Variants in PCOLCE observed in about 807,000 individuals in gnomAD.
PCOLCE encodes the protein procollagen C-endopeptidase enhancer 1.
A neutral mutation model predicts 47.2 loss-of-function variants in PCOLCE; 33 were observed. That is an observed-to-expected ratio of 0.70 (90% CI 0.53 to 0.93). PCOLCE has a LOEUF of 0.93. Ranked by LOEUF, PCOLCE falls within the 40% of genes least tolerant of loss-of-function variation. The probability of loss-of-function intolerance (pLI) is 0.00; values close to 1 mark genes in which losing one functional copy is unlikely to be tolerated. For synonymous variants in PCOLCE, 254 were observed against 252.5 expected (o/e 1.01, Z -0.06); for missense variants, 584 against 585.3 (o/e 1.00, Z 0.02).
In PCOLCE at chr7:100,605,322, T is replaced by C; in HGVS notation, c.588+107T>C. 2 of 1,221,750 alleles carry C rather than the reference T, an allele frequency of 1.6e-6. No individual in the cohort carries two copies. The highest frequency in any genetic ancestry group is 3.0e-5 in the South Asian group (2 of 65,666). 75.7% of individuals were successfully genotyped at this position (1,221,750 alleles called of 1,614,324 possible). A position where few individuals can be genotyped will look rare whatever the true frequency, so the allele number is the denominator to read the frequency against. ...TCTGCTGTGTCCCGAGCACTGCGCT[T>C]GCGCTGGTGGGCACCCAAAACAGCC... On this transcript the variant is annotated intron_variant, in intron 4 of 8. Transcript: ENST00000223061. This position sits in a 1 kb window ranked among gnomAD's most constrained non-coding sequence, Gnocchi z 6.1.
At position 100,605,699 on chromosome 7, in the gene PCOLCE, G is replaced by C. The variant is rs747185954; in HGVS notation, c.612G>C (p.Lys204Asn). The change falls in exon 5 of 9, where the codon AAG (lysine) becomes AAC (asparagine). Residue 204 changes from lysine (K) to asparagine (N), a missense_variant. Transcript: ENST00000223061. The surrounding 1 kb of genome is among the most constrained non-coding windows in gnomAD (Gnocchi z 6.1). Reference sequence around the variant, plus strand: ...AGGTCATCGCGCTGACCTTCGAGAAGTTTGACCTGGAGCCGGACACCTACT... The same window carrying C: ...AGGTCATCGCGCTGACCTTCGAGAACTTTGACCTGGAGCCGGACACCTACT... ...PDQVIALTFE[K>N]FDLEPDTYCR... 6.3e-7 allele frequency: 1 copy of C among 1,582,844 alleles called. No individual in the cohort carries two copies. Among genetic ancestry groups the C allele is most frequent in the Non-Finnish European group, 8.6e-7 (1 of 1,164,812 alleles).
At position 100,604,465 on chromosome 7, in the gene PCOLCE, C is replaced by A; in HGVS notation, c.463+248C>A. The A allele has an allele frequency of 1.6e-6, 1 of 609,842 alleles. No homozygotes were observed. The highest frequency in any genetic ancestry group is 2.9e-6 in the Non-Finnish European group (1 of 340,698). 37.8% of individuals were successfully genotyped at this position (609,842 alleles called of 1,614,324 possible). ...GCGCGAGGCGGAAATGGGTCACCGA[C>A]CCGCGGGTGGAATGGGCGGCCTGGG... On this transcript the variant is annotated intron_variant, in intron 3 of 8. Coordinates refer to ENST00000223061, the MANE Select transcript of PCOLCE (RefSeq NM_002593.4). This position sits in a 1 kb window ranked among gnomAD's most constrained non-coding sequence, Gnocchi z 6.4.
rs534707945 is a variant in PCOLCE, at chr7:100,603,231, C to T, written c.96-199C>T. The T allele has an allele frequency of 1.1e-4, 48 of 456,334 alleles. No individual in the cohort carries two copies. The East Asian group carries it at 1.7e-3, about 16-fold the overall frequency. The allele number at this position is 456,334 out of a possible 1,614,324, so 28.3% of individuals were successfully genotyped here. On this transcript the variant is annotated intron_variant, in intron 1 of 8. Coordinates refer to ENST00000223061, the MANE Select transcript of PCOLCE (RefSeq NM_002593.4). ...TGGTCGAGTTGCCAGGCCCACTTTT[C>T]CCTTATCTTTGTGGGAGTCTGGGAC...
At chr7:100,603,627 G>A (rs965808323) in intron 2 of PCOLCE, 89 bp downstream of exon 2, 7 of 249,576 alleles carry the variant, frequency 2.8e-5, no homozygotes, top group South Asian at 1.8e-4. Context: ...CGTCCCCCCC[G>A]CACCACCTTC....
intron 5 of PCOLCE, 77 bp from the exon 6 acceptor site, chr7:100,606,339 A>AGTGAGACCATGTCTC: frequency 9.6e-7 from 1 of 1,042,872 alleles, no homozygotes; most frequent in Non-Finnish European, 1.4e-6. Flanking sequence ...AAACAAACAA[A>AGTGAGACCATGTCTC]AAAGGTCATG....
In PCOLCE at chr7:100,605,868, G is replaced by A; in HGVS notation, c.725+56G>A. ...GAGAGTCGGCGGACCGCACGCACGC[G>A]GCTGTTTGGAGGGGCGGGGTTCAGC... On this transcript the variant is annotated intron_variant, in intron 5 of 8. Coordinates refer to ENST00000223061, the MANE Select transcript of PCOLCE (RefSeq NM_002593.4). The surrounding 1 kb of genome is among the most constrained non-coding windows in gnomAD (Gnocchi z 6.1). 1.3e-6 allele frequency: 2 copies of A among 1,529,468 alleles called. No individual in the cohort carries two copies. The highest frequency in any genetic ancestry group is 1.2e-5 in the South Asian group (1 of 82,538). 94.7% of individuals were successfully genotyped at this position (1,529,468 alleles called of 1,614,324 possible). A position where few individuals can be genotyped will look rare whatever the true frequency, so the allele number is the denominator to read the frequency against.
Position 100,608,074 on chromosome 7 carries a change from C to T in PCOLCE, c.1321C>T (p.Pro441Ser). The change falls in exon 9 of 9, where the codon CCT becomes TCT. Residue 441 changes from proline (P) to serine (S), a missense_variant. Transcript: ENST00000223061. ...NLSKRKCPSQ[P>S]VRAAASQD ...AAGCAAGAGGAAGTGCCCCTCTCAACCTGTGCGGGCTGCTGCGTCCCAGGA... is the reference window on the plus strand; with the variant it reads ...AAGCAAGAGGAAGTGCCCCTCTCAATCTGTGCGGGCTGCTGCGTCCCAGGA... The T allele has an allele frequency of 1.2e-6, 2 of 1,613,886 alleles. No homozygotes were observed. The highest frequency in any genetic ancestry group is 1.7e-6 in the Non-Finnish European group (2 of 1,180,038).
chr7:100,606,594 C>A lies in PCOLCE; in HGVS notation c.904C>A (p.Pro302Thr). ...AGTCAAGCTGCCCCCCAAGTCCCAA[C>A]CTCCGGAGAAAACAGAGGAATCTCC... Reference protein sequence around the residue: ...PKVKLPPKSQPPEKTEESPSA... With the variant: ...PKVKLPPKSQTPEKTEESPSA... The change falls in exon 6 of 9, where the codon CCT becomes ACT. Residue 302 changes from proline to threonine, a missense_variant. Coordinates refer to ENST00000223061, the MANE Select transcript of PCOLCE (RefSeq NM_002593.4). The A allele has an allele frequency of 1.2e-6, 2 of 1,613,176 alleles. No homozygotes were observed. Among genetic ancestry groups the A allele is most frequent in the Middle Eastern group, 1.7e-4 (1 of 6,058 alleles).
intron 1 of PCOLCE, chr7:100,602,991 A>C: frequency 4.6e-6 from 1 of 219,468 alleles, no homozygotes; most frequent in South Asian, 9.4e-5. Flanking sequence ...CCTGGCCTCC[A>C]GGTTCAATCA....
At chr7:100,607,604 A>G (rs753531062) in intron 7 of PCOLCE, 33 bp from the exon 8 acceptor site, 1 of 1,610,880 alleles carries the variant, frequency 6.2e-7, no homozygotes, top group South Asian at 1.1e-5. Flanking sequence ...GGAACCTCCC[A>G]TCTCCTCATC....
rs1315132115 is a variant in PCOLCE at position 100,606,086 on chromosome 7, TG to T, written c.725+277del. ...GCTCATGCCTGTAATCATAGCACTT[TG>T]GGAGGCTGAAGCGGGAGGATCACCT... is the stretch of plus-strand genomic sequence containing the variant. On this transcript the variant is annotated intron_variant, in intron 5 of 8. Coordinates refer to ENST00000223061, the MANE Select transcript of PCOLCE (RefSeq NM_002593.4). 3 of 540,262 alleles carry T rather than the reference TG, an allele frequency of 5.6e-6. No homozygotes were observed. In the African/African-American group the frequency reaches 5.7e-5, roughly 10 times the overall value. The allele number at this position is 540,262 out of a possible 1,614,324, so 33.5% of individuals were successfully genotyped here.
chr7:100,607,996 G>C lies in PCOLCE; in HGVS notation c.1243G>C (p.Glu415Gln), dbSNP rs1352896546. Residue 415 changes from glutamate (E) to glutamine (Q), a missense_variant, in exon 9 of 9, where the codon GAG becomes CAG. Physicochemically the swap from Glu to Gln is conservative, Grantham distance 29. Transcript: ENST00000223061. ...EENRGPVLPP[E>Q]SFVVLHRPNQ... ...GAACAGAGGCCCCGTCCTTCCTCCA[G>C]AGAGCTTTGTGGTTCTCCACCGGCC... is the stretch of plus-strand genomic sequence containing the variant. 3 of 1,614,126 alleles carry C rather than the reference G, an allele frequency of 1.9e-6. No individual in the cohort carries two copies. The highest frequency in any genetic ancestry group is 1.7e-5 in the Admixed American group (1 of 60,008).
rs1261814799 is a variant in PCOLCE, at chr7:100,607,953, G to A, written c.1200G>A (p.Leu400=). 4 of 1,614,026 alleles carry A rather than the reference G, an allele frequency of 2.5e-6. No homozygotes were observed. The African/African-American group carries it at 4.0e-5, about 16-fold the overall frequency. The change falls in exon 9 of 9, where the codon CTG becomes CTA. Residue 400 remains leucine, a synonymous_variant. Coordinates refer to ENST00000223061, the MANE Select transcript of PCOLCE (RefSeq NM_002593.4). ...PPMKKGVSYL[L]MGQVEENRGP... ...TTCTTCCAGGAGTCAGTTATCTGCTGATGGGCCAGGTAGAAGAGAACAGAG... is the reference window on the plus strand; with the variant it reads ...TTCTTCCAGGAGTCAGTTATCTGCTAATGGGCCAGGTAGAAGAGAACAGAG...
rs760620307 is a variant in PCOLCE at position 100,605,195 on chromosome 7, A to G, written c.568A>G (p.Ile190Val). The change falls in exon 4 of 9, where the codon ATC becomes GTC. Residue 190 changes from isoleucine (I) to valine (V), a missense_variant. Coordinates refer to ENST00000223061, the MANE Select transcript of PCOLCE (RefSeq NM_002593.4). The surrounding 1 kb of genome is among the most constrained non-coding windows in gnomAD (Gnocchi z 6.1). The stretch of plus-strand genomic sequence containing the variant: ...CCCGGGCATCAGCTGTTCCTGGCAC[A>G]TCATCGCGCCCCCGGACCAGGTACC... ...YPPGISCSWH[I>V]IAPPDQVIAL... is the part of the protein sequence containing the mutation. 3 of 1,611,958 alleles carry G rather than the reference A, an allele frequency of 1.9e-6. No homozygotes were observed. The highest frequency in any genetic ancestry group is 3.3e-4 in the Middle Eastern group (2 of 6,052).
chr7:100,602,491 C>T lies in PCOLCE; in HGVS notation c.35C>T (p.Pro12Leu), dbSNP rs768700568. ...GCAGCCACAGCCTCCCTCCTGGGGCCCCTCCTCACTGCCTGCGCCCTGCTG... is the reference window on the plus strand; with the variant it reads ...GCAGCCACAGCCTCCCTCCTGGGGCTCCTCCTCACTGCCTGCGCCCTGCTG... ...LPAATASLLG[P>L]LLTACALLPF... The change falls in exon 1 of 9, where the codon CCC (proline) becomes CTC (leucine). Residue 12 changes from proline to leucine, a missense_variant. By Grantham distance (98) the Pro-to-Leu change is moderately conservative. Coordinates refer to ENST00000223061, the MANE Select transcript of PCOLCE (RefSeq NM_002593.4). 1 of 1,613,012 alleles carries T rather than the reference C, an allele frequency of 6.2e-7. No homozygotes were observed. The highest frequency in any genetic ancestry group is 8.5e-7 in the Non-Finnish European group (1 of 1,179,854).
chr7:100,603,595 G>A (rs1390640585), intron 2 of PCOLCE, 57 bp downstream of exon 2: 2 of 798,092 alleles, frequency 2.5e-6, no homozygotes, highest in African/African-American at 3.6e-5. Context: ...AAAAAGGCCT[G>A]ACTGCGAAGG....
Position 100,607,646 on chromosome 7 carries a change from C to T in PCOLCE, c.1022C>T (p.Ala341Val), listed in dbSNP as rs199736289. The T allele has an allele frequency of 5.3e-4, 862 of 1,613,910 alleles. 2 individuals are homozygous for T. The highest frequency in any genetic ancestry group is 6.5e-4 in the Non-Finnish European group (769 of 1,179,824). Residue 341 changes from alanine (A) to valine (V), a missense_variant, in exon 8 of 9, where the codon GCG becomes GTG. By Grantham distance (64) the Ala-to-Val change is moderately conservative (BLOSUM62 0). Coordinates refer to ENST00000223061, the MANE Select transcript of PCOLCE (RefSeq NM_002593.4). ...TCCCATTCTCCCACAGTGGTGACTG[C>T]GACAGTGAAGTCCATGGTTCGGGAG... ...NFCASSLVVT[A>V]TVKSMVREPG...
At chr7:100,607,104 A>AAAAAAAAAAAAC (rs1384780039) in intron 6 of PCOLCE, among the ~76,000 whole-genome samples, 1 of 151,534 alleles carries the variant, frequency 6.6e-6, no homozygotes, top group African/African-American at 2.4e-5. Flanking sequence ...AAAAAAAAAA[A>AAAAAAAAAAAAC]AACTTAGCCA....
chr7:100,604,689 G>T lies in PCOLCE; in HGVS notation c.464-402G>T. On this transcript the variant is annotated intron_variant, in intron 3 of 8. Coordinates refer to ENST00000223061, the MANE Select transcript of PCOLCE (RefSeq NM_002593.4). The surrounding 1 kb of genome is among the most constrained non-coding windows in gnomAD (Gnocchi z 6.4). ...TCTCCCTTGCAATGTTTCAGGCGGG[G>T]ACCTCCCTAAAGGGGTCCTCGGGGG... The T allele has an allele frequency of 3.1e-6, 1 of 322,294 alleles. No individual in the cohort carries two copies. The highest frequency in any genetic ancestry group is 5.9e-6 in the Non-Finnish European group (1 of 169,916). The allele number at this position is 322,294 out of a possible 1,614,324, so 20.0% of individuals were successfully genotyped here. A position where few individuals can be genotyped will look rare whatever the true frequency, so the allele number is the denominator to read the frequency against.
Sources: allele counts gnomAD v4.1 joint callset (sites outside exome capture counted in the v4.1 genomes callset), GRCh38; gene constraint gnomAD v4.1.1; non-coding constraint Gnocchi (gnomAD v3.1); transcripts MANE v1.5; gene names NCBI Gene and HGNC (gene_info 2026-07-23, HGNC 2026-07-21).